Variants in GHR observed in about 807,000 individuals in gnomAD.
The protein encoded by GHR is growth hormone receptor, also known as GH receptor.
A neutral mutation model predicts 67.1 loss-of-function variants in GHR; 35 were observed. That is an observed-to-expected ratio of 0.52 (90% confidence interval 0.40 to 0.69). The LOEUF (loss-of-function observed/expected upper bound fraction) is 0.69, where lower values mean the gene tolerates loss of function less well. Among genes scored for constraint, GHR ranks in the 30% least tolerant of loss-of-function variants. The pLI is 0.00. For missense variants in GHR, 792 were observed against 764.6 expected, an observed-to-expected ratio of 1.04 and a Z score of -0.42; for synonymous variants, 272 against 269.1, an observed-to-expected ratio of 1.01 and a Z score of -0.10.
chr5:42,627,737 G>C (rs1407821574), intron 2 of GHR, among the ~76,000 whole-genome samples: 1 of 152,232 alleles, frequency 6.6e-6, no homozygotes. Flanking sequence ...GTGTCTAGGG[G>C]TGGGGTGCCT....
intron 4 of GHR, among the ~76,000 whole-genome samples, chr5:42,689,863 C>T (rs140654726): frequency 6.6e-6 from 1 of 152,302 alleles, no homozygotes; most frequent in East Asian, 1.9e-4. Flanking sequence ...TACACTCCTT[C>T]TCTTAAATAT....
intron 3 of GHR, among the ~76,000 whole-genome samples, chr5:42,676,500 CATT>C (rs1255664472): frequency 6.6e-6 from 1 of 152,078 alleles, no homozygotes; most frequent in Non-Finnish European, 1.5e-5. Context: ...CAGTTGCCAT[CATT>C]ATTTAAAGCC....
chr5:42,459,720 G>A (rs893751358), intron 1 of GHR, among the ~76,000 whole-genome samples: 21 of 152,122 alleles, frequency 1.4e-4, no homozygotes, highest in African/African-American at 4.8e-4. Context: ...TTATGATGCA[G>A]GGCTATTTTT....
At chr5:42,431,367 A>C (rs1307433923) in intron 1 of GHR, among the ~76,000 whole-genome samples, 1 of 152,192 alleles carries the variant, frequency 6.6e-6, no homozygotes, top group Non-Finnish European at 1.5e-5. Flanking sequence ...TCTTCAAAGA[A>C]GGATGGAAAA....
intron 1 of GHR, among the ~76,000 whole-genome samples, chr5:42,507,396 A>G (rs1746824941): frequency 6.6e-6 from 1 of 152,226 alleles, no homozygotes; most frequent in South Asian, 2.1e-4. Flanking sequence ...GAATGTTAGT[A>G]TATTCACCCA....
intron 1 of GHR, among the ~76,000 whole-genome samples, chr5:42,529,761 A>G (rs969319682): frequency 1.3e-5 from 2 of 152,106 alleles, no homozygotes; most frequent in African/African-American, 2.4e-5. Flanking sequence ...CAATTTTATG[A>G]AGTAAATTTA....
At chr5:42,696,463 A>G (rs912116230) in intron 5 of GHR, among the ~76,000 whole-genome samples, 1 of 152,224 alleles carries the variant, frequency 6.6e-6, no homozygotes, top group Non-Finnish European at 1.5e-5. Context: ...ATTTTTAAAA[A>G]AGTGATGACC....
chr5:42,507,415 G>C (rs1000579944), intron 1 of GHR, among the ~76,000 whole-genome samples: 1 of 152,190 alleles, frequency 6.6e-6, no homozygotes, highest in Non-Finnish European at 1.5e-5. Flanking sequence ...CAGACTAAAT[G>C]AATGAATGAA....
intron 1 of GHR, among the ~76,000 whole-genome samples, chr5:42,438,292 G>T (rs1430926683): frequency 1.3e-5 from 2 of 152,200 alleles, no homozygotes; most frequent in African/African-American, 4.8e-5. Flanking sequence ...AAGTCGCACA[G>T]TGTATTCAAA....
intron 1 of GHR, among the ~76,000 whole-genome samples, chr5:42,496,936 T>C (rs1307542376): frequency 2.0e-5 from 3 of 152,186 alleles, no homozygotes; most frequent in East Asian, 3.8e-4. Context: ...AGGAACACTT[T>C]GCATGTGAAT....
At chr5:42,437,641 A>T (rs1045936044) in intron 1 of GHR, among the ~76,000 whole-genome samples, 5 of 151,746 alleles carry the variant, frequency 3.3e-5, no homozygotes, top group Admixed American at 1.3e-4. Flanking sequence ...TCTGCCTCCC[A>T]GGTTCAAGCG....
intron 3 of GHR, among the ~76,000 whole-genome samples, chr5:42,660,138 A>G (rs1320786255): frequency 6.6e-6 from 1 of 152,188 alleles, no homozygotes; most frequent in Non-Finnish European, 1.5e-5. Context: ...ACAACAGCTC[A>G]AGGAGGCCTG....
At chr5:42,616,684 A>G (rs1753170526) in intron 2 of GHR, among the ~76,000 whole-genome samples, 1 of 151,992 alleles carries the variant, frequency 6.6e-6, no homozygotes, top group Non-Finnish European at 1.5e-5. Context: ...GGGGAAAAAA[A>G]AAAAAAAGCT....
At chr5:42,696,269 G>T (rs941056731) in intron 5 of GHR, among the ~76,000 whole-genome samples, 2 of 152,212 alleles carry the variant, frequency 1.3e-5, no homozygotes, top group African/African-American at 4.8e-5. Context: ...AAAGAGGGAA[G>T]TCAGGCATGT....
intron 1 of GHR, among the ~76,000 whole-genome samples, chr5:42,531,227 A>T (rs898261585): frequency 6.6e-6 from 1 of 151,848 alleles, no homozygotes; most frequent in Admixed American, 6.6e-5. Flanking sequence ...AGATAGCACC[A>T]TTGCACTCCA....
At chr5:42,563,653 C>CA (rs1749756926) in intron 1 of GHR, among the ~76,000 whole-genome samples, 1 of 96,686 alleles carries the variant, frequency 1.0e-5, no homozygotes. Flanking sequence ...AAAAAAAATA[C>CA]AAAAATTAGC....
chr5:42,719,273 A>T lies in GHR; in HGVS notation c.1766A>T (p.Glu589Val). ...PGTGEHVPGS[E>V]MPVPDYTSIH... ...ACAGGAGAACATGTTCCAGGTTCTG[A>T]GATGCCTGTCCCAGACTATACCTCC... The change falls in exon 10 of 10, where the codon GAG becomes GTG. Residue 589 changes from glutamate to valine, a missense_variant. Transcript: ENST00000230882. The T allele has an allele frequency of 6.2e-7, 1 of 1,614,104 alleles. No individual in the cohort carries two copies. The highest frequency in any genetic ancestry group is 8.5e-7 in the Non-Finnish European group (1 of 1,179,972).
chr5:42,468,123 T>C (rs1744817720), intron 1 of GHR: 1 of 1,237,104 alleles, frequency 8.1e-7, no homozygotes, highest in Non-Finnish European at 1.2e-6. Context: ...AGGTTCTTGG[T>C]TTCAGCACCT....
At chr5:42,517,262 A>C (rs1238327122) in intron 1 of GHR, among the ~76,000 whole-genome samples, 1 of 152,212 alleles carries the variant, frequency 6.6e-6, no homozygotes, top group East Asian at 1.9e-4. Context: ...TTTTCCTTGG[A>C]TGGAGGTTTC....
Sources: allele counts gnomAD v4.1 joint callset (sites outside exome capture counted in the v4.1 genomes callset), GRCh38; gene constraint gnomAD v4.1.1; transcripts MANE v1.5; gene names NCBI Gene and HGNC (gene_info 2026-07-23, HGNC 2026-07-21).